PCDHA2: variants seen among roughly 807,000 people sequenced by gnomAD.
PCDHA2 encodes protocadherin alpha 2.
In PCDHA2, 58 loss-of-function variants were observed where a neutral mutation model predicts 66.0. The ratio of observed to expected loss-of-function variants is 0.88; its 90% CI spans 0.71 to 1.09. The LOEUF is 1.09. PCDHA2 is among the 50% of genes least tolerant of loss of function. PCDHA2 has a pLI of 0.00. For synonymous variants in PCDHA2, 634 were observed against 554.0 expected (o/e 1.14, Z -2.03); for missense variants, 1,267 against 1,242.3 (o/e 1.02, Z -0.30).
chr5:140,854,281 A>C, intron 1 of PCDHA2: 2 of 533,292 alleles, frequency 3.8e-6, no homozygotes, highest in Non-Finnish European at 4.8e-6. Context: ...AATTGAGTTT[A>C]GTTTTTATTA....
intron 3 of PCDHA2, among the ~76,000 whole-genome samples, chr5:140,990,314 CCAAA>C (rs2097387288): frequency 6.6e-6 from 1 of 152,212 alleles, no homozygotes; most frequent in Non-Finnish European, 1.5e-5. Context: ...AAAAAACCAA[CCAAA>C]CAAACTTTAA....
At chr5:140,883,636 G>A (rs781839349) in intron 1 of PCDHA2, 5 of 1,613,974 alleles carry the variant, frequency 3.1e-6, no homozygotes, top group South Asian at 2.2e-5. Context: ...CGGCGTTCGC[G>A]CAGCCCGAGT....
chr5:140,877,815 A>T (rs782076422), intron 1 of PCDHA2: 21 of 1,609,380 alleles, frequency 1.3e-5, no homozygotes, highest in Non-Finnish European at 1.7e-5. Context: ...TGTCTCGAGA[A>T]GATTGTTTAA....
chr5:140,927,516 C>G (rs782661477), intron 1 of PCDHA2: 22 of 1,614,066 alleles, frequency 1.4e-5, no homozygotes, highest in Non-Finnish European at 1.8e-5. Flanking sequence ...CTCGGGACGG[C>G]GGGCTACCTG....
rs201945218 is a variant in PCDHA2 at position 140,849,444 on chromosome 5, A to C, written c.2388+52092A>C. On this transcript the variant is annotated intron_variant, in intron 1 of 3. Transcript: ENST00000526136. Reference sequence around the variant, plus strand: ...GGATTTTGAAGAAAGTAGAGCACACAAGATCCCAGTCGAGGCTGTCGATAA... The same window carrying C: ...GGATTTTGAAGAAAGTAGAGCACACCAGATCCCAGTCGAGGCTGTCGATAA... The C allele has an allele frequency of 1.8e-4, 290 of 1,585,348 alleles. 21 individuals carry two copies. The highest frequency in any genetic ancestry group is 2.4e-4 in the Non-Finnish European group (278 of 1,160,480).
chr5:140,848,554 T>G (rs1554142197), intron 1 of PCDHA2: 4 of 1,595,574 alleles, frequency 2.5e-6, no homozygotes, highest in Admixed American at 3.4e-5. Flanking sequence ...TCGCTTCTGA[T>G]CCTCGCAATG....
At chr5:140,808,880 C>T (rs782412304) in intron 1 of PCDHA2, 5 of 1,613,204 alleles carry the variant, frequency 3.1e-6, no homozygotes, top group Non-Finnish European at 4.2e-6. Context: ...CGCGCCAGCA[C>T]TGCTAGCGCC....
intron 1 of PCDHA2, among the ~76,000 whole-genome samples, chr5:140,833,361 T>G (rs1376018154): frequency 1.3e-5 from 2 of 152,142 alleles, no homozygotes; most frequent in African/African-American, 2.4e-5. Flanking sequence ...ACGAACACAG[T>G]AAGGTAGATC....
At chr5:140,976,528 A>G (rs1238458657) in intron 1 of PCDHA2, among the ~76,000 whole-genome samples, 1 of 152,112 alleles carries the variant, frequency 6.6e-6, no homozygotes, top group East Asian at 1.9e-4. Flanking sequence ...ACCAGCCTAA[A>G]TGACAGAGTA....
intron 1 of PCDHA2, chr5:140,805,613 G>C (rs1554123423): frequency 5.5e-6 from 5 of 911,990 alleles, no homozygotes; most frequent in Non-Finnish European, 5.2e-6. Flanking sequence ...ATTTCTTTAT[G>C]TAAGAAAATG....
chr5:140,844,884 G>A (rs1389205077), intron 1 of PCDHA2, among the ~76,000 whole-genome samples: 2 of 149,232 alleles, frequency 1.3e-5, no homozygotes, highest in South Asian at 2.1e-4. Context: ...ATTAGACTTC[G>A]TGCATATTGC....
At chr5:140,894,141 C>G (rs552932940) in intron 1 of PCDHA2, among the ~76,000 whole-genome samples, 169 of 152,150 alleles carry the variant, frequency 1.1e-3, no homozygotes, top group African/African-American at 3.9e-3. Context: ...AAATAATTCC[C>G]TTCTATGTAA....
At chr5:140,803,831 A>G in intron 1 of PCDHA2, 1 of 627,576 alleles carries the variant, frequency 1.6e-6, no homozygotes. Flanking sequence ...GTGCAGTAGT[A>G]GAATTATTTT....
intron 1 of PCDHA2, among the ~76,000 whole-genome samples, chr5:140,953,706 G>A (rs1464812227): frequency 1.3e-5 from 2 of 152,144 alleles, no homozygotes; most frequent in Non-Finnish European, 1.5e-5. Context: ...ACTAGACTGA[G>A]CTTCAGACAT....
chr5:140,948,495 G>T (rs2094260954), intron 1 of PCDHA2, among the ~76,000 whole-genome samples: 1 of 151,424 alleles, frequency 6.6e-6, no homozygotes, highest in African/African-American at 2.4e-5. Context: ...TTCTTTCATA[G>T]ACTTTCTATT....
intron 2 of PCDHA2, among the ~76,000 whole-genome samples, chr5:140,981,738 A>C: frequency 6.6e-6 from 1 of 152,114 alleles, no homozygotes. Flanking sequence ...TGAGAGATTA[A>C]TATGAGTTAG....
At position 140,842,785 on chromosome 5, in the gene PCDHA2, G is replaced by A. The variant is rs2150344223; in HGVS notation, c.2388+45433G>A. 4 of 1,594,390 alleles carry A rather than the reference G, an allele frequency of 2.5e-6. 1 individual carries two copies. The highest frequency in any genetic ancestry group is 3.4e-5 in the Admixed American group (2 of 59,288). ...GAGACGCGGACGCGCAGGAGAACGCGCTGGTGTCCTACTCGCTTGTGGAGC... is the reference window on the plus strand; with the variant it reads ...GAGACGCGGACGCGCAGGAGAACGCACTGGTGTCCTACTCGCTTGTGGAGC... On this transcript the variant is annotated intron_variant, in intron 1 of 3. Transcript: ENST00000526136.
chr5:140,933,833 A>G (rs944428844), intron 1 of PCDHA2, among the ~76,000 whole-genome samples: 1 of 151,928 alleles, frequency 6.6e-6, no homozygotes, highest in East Asian at 1.9e-4. Flanking sequence ...TATTGCTCCT[A>G]TTTCATTCCT....
At chr5:140,852,963 C>T in intron 1 of PCDHA2, 1 of 424,740 alleles carries the variant, frequency 2.4e-6, no homozygotes, top group Non-Finnish European at 3.3e-6. Context: ...ACTCCAAGCT[C>T]CCCCTCCCGT....
Sources: gnomAD v4.1 joint callset for allele counts (sites outside exome capture counted in the v4.1 genomes callset) on GRCh38, gnomAD v4.1.1 for gene constraint, MANE v1.5 for transcripts, NCBI Gene and HGNC (gene_info 2026-07-23, HGNC 2026-07-21) for gene names.